The following KCNAB3 variants were observed in gnomAD, a reference collection of about 807,000 sequenced individuals.
The protein encoded by KCNAB3 is potassium voltage-gated channel subfamily A regulatory beta subunit 3.
In KCNAB3, 62 loss-of-function variants were observed where a neutral mutation model predicts 67.7. The ratio of observed to expected loss-of-function variants is 0.92; its 90% confidence interval spans 0.75 to 1.13. The LOEUF (loss-of-function observed/expected upper bound fraction) is 1.13, where lower values mean the gene tolerates loss of function less well. Among genes scored for constraint, KCNAB3 ranks in the 50% most tolerant of loss-of-function variants. KCNAB3 has a pLI of 0.00. For missense variants in KCNAB3, 514 were observed against 522.9 expected, an observed-to-expected ratio of 0.98 and a Z score of 0.17; for synonymous variants, 212 against 205.4, an observed-to-expected ratio of 1.03 and a Z score of -0.27.
rs1334757315 is a variant in KCNAB3 at position 7,925,426 on chromosome 17, C to T, written c.539-243G>A. On this transcript the variant is annotated intron_variant, in intron 7 of 13. Coordinates refer to ENST00000303790, the MANE Select transcript of KCNAB3 (RefSeq NM_004732.4). Reference sequence around the variant, plus strand: ...TGCCTGTAATCCCAGTTACTCGAGACGCTGAGGTAGGAGAATCCCTTGAAC... The same window carrying T: ...TGCCTGTAATCCCAGTTACTCGAGATGCTGAGGTAGGAGAATCCCTTGAAC... 7 of 593,882 alleles carry T rather than the reference C, an allele frequency of 1.2e-5. No homozygotes were observed. In the Admixed American group the frequency reaches 1.2e-4, roughly 10 times the overall value. 36.8% of individuals were successfully genotyped at this position (593,882 alleles called of 1,614,324 possible). A position where few individuals can be genotyped will look rare whatever the true frequency, so the allele number is the denominator to read the frequency against.
rs1433741337 is a variant in KCNAB3, at chr17:7,927,668, T to C, written c.313A>G (p.Ile105Val). Residue 105 changes from isoleucine (I) to valine (V), a missense_variant, in exon 3 of 14, where the codon ATC becomes GTC. Ile to Val is a conservative substitution (Grantham distance 29, BLOSUM62 3). Transcript: ENST00000303790. ...CCGATAACTTATACCTCATCTGAGA[T>C]CTGAGAACCAAATGTGACCCAGGTA... ...LGTWVTFGSQISDETAEDVLT... is the reference protein window; with the variant it reads ...LGTWVTFGSQVSDETAEDVLT... 1.9e-6 allele frequency: 3 copies of C among 1,614,160 alleles called. No homozygotes were observed. Among genetic ancestry groups the C allele is most frequent in the Non-Finnish European group, 2.5e-6 (3 of 1,180,032 alleles).
In KCNAB3 at chr17:7,922,841, T is replaced by G; in HGVS notation, c.*261A>C. 1 of 531,710 alleles carries G rather than the reference T, an allele frequency of 1.9e-6. No homozygotes were observed. The allele number at this position is 531,710 out of a possible 1,614,324, so 32.9% of individuals were successfully genotyped here. A position where few individuals can be genotyped will look rare whatever the true frequency, so the allele number is the denominator to read the frequency against. Reference sequence around the variant, plus strand: ...GAAGTGGCAGAGAGCCGACGGCGAGTAGCTCATGCCCGGGATTTGCAAGAA... The same window carrying G: ...GAAGTGGCAGAGAGCCGACGGCGAGGAGCTCATGCCCGGGATTTGCAAGAA... On this transcript the variant is annotated 3_prime_UTR_variant, in exon 14 of 14. Coordinates refer to ENST00000303790, the MANE Select transcript of KCNAB3 (RefSeq NM_004732.4).
chr17:7,929,474 C>T lies in KCNAB3; in HGVS notation c.-39G>A, dbSNP rs770980835. The T allele has an allele frequency of 1.4e-5, 14 of 975,640 alleles. 1 individual carries two copies. The highest frequency in any genetic ancestry group is 1.4e-4 in the South Asian group (10 of 70,890). 60.4% of individuals were successfully genotyped at this position (975,640 alleles called of 1,614,324 possible). A position where few individuals can be genotyped will look rare whatever the true frequency, so the allele number is the denominator to read the frequency against. On this transcript the variant is annotated 5_prime_UTR_variant, in exon 1 of 14. Transcript: ENST00000303790. The surrounding 1 kb of genome is among the most constrained non-coding windows in gnomAD (Gnocchi z 5.7). ...GGCGGGGGAGGGGGCTCCGAGGGGA[C>T]GGGAGGGGGGAGCAGGGAAGCCCGA...
Position 7,927,393 on chromosome 17 carries a change from C to A in KCNAB3, c.355G>T (p.Glu119Ter). The stretch of plus-strand genomic sequence containing the variant: ...GTGTCAAACAGGTTTACACCATGCT[C>A]ATAGGCTACAGTCAGCACATCCTCT... ...TAEDVLTVAYEHGVNLFDTAE... is the reference protein window; with the variant it reads ...TAEDVLTVAY Residue 119 changes from glutamate (E) to a stop codon, truncating the protein, a stop_gained, in exon 4 of 14, where the codon GAG becomes TAG. Coordinates refer to ENST00000303790, the MANE Select transcript of KCNAB3 (RefSeq NM_004732.4). LOFTEE classifies it high-confidence loss of function. 6.2e-7 allele frequency: 1 copy of A among 1,613,984 alleles called. No homozygotes were observed. The highest frequency in any genetic ancestry group is 1.1e-5 in the South Asian group (1 of 91,072).
In KCNAB3 at chr17:7,929,477, G is replaced by T. The variant is rs1039894953; in HGVS notation, c.-42C>A. ...GGGGGAGGGGGCTCCGAGGGGACGGGAGGGGGGAGCAGGGAAGCCCGAGGG... is the reference window on the plus strand; with the variant it reads ...GGGGGAGGGGGCTCCGAGGGGACGGTAGGGGGGAGCAGGGAAGCCCGAGGG... On this transcript the variant is annotated 5_prime_UTR_variant, in exon 1 of 14. Coordinates refer to ENST00000303790, the MANE Select transcript of KCNAB3 (RefSeq NM_004732.4). This position sits in a 1 kb window ranked among gnomAD's most constrained non-coding sequence, Gnocchi z 5.7. 2.6e-6 allele frequency: 4 copies of T among 1,529,484 alleles called. No individual in the cohort carries two copies. Among genetic ancestry groups the T allele is most frequent in the Non-Finnish European group, 3.5e-6 (4 of 1,132,942 alleles). The allele number at this position is 1,529,484 out of a possible 1,614,324, so 94.7% of individuals were successfully genotyped here. A position where few individuals can be genotyped will look rare whatever the true frequency, so the allele number is the denominator to read the frequency against.
rs1972278436 is a variant in KCNAB3 at position 7,927,640 on chromosome 17, G to T, written c.324+17C>A. 1 of 1,613,774 alleles carries T rather than the reference G, an allele frequency of 6.2e-7. No individual in the cohort carries two copies. The highest frequency in any genetic ancestry group is 8.5e-7 in the Non-Finnish European group (1 of 1,179,922). ...CCTCACCCCCACCACCCTGATTCTA[G>T]GTCCGATAACTTATACCTCATCTGA... On this transcript the variant is annotated intron_variant, in intron 3 of 13. Coordinates refer to ENST00000303790, the MANE Select transcript of KCNAB3 (RefSeq NM_004732.4).
chr17:7,925,228 T>G (rs1393652008), intron 7 of KCNAB3, 45 bp from the exon 8 acceptor site: 1 of 1,530,910 alleles, frequency 6.5e-7, no homozygotes, highest in Non-Finnish European at 9.0e-7. Context: ...TCAGCTTCAG[T>G]GTACTAAGAA....
rs774817744 is a variant in KCNAB3 at position 7,924,102 on chromosome 17, C to G, written c.833-40G>C. On this transcript the variant is annotated intron_variant, in intron 10 of 13. Coordinates refer to ENST00000303790, the MANE Select transcript of KCNAB3 (RefSeq NM_004732.4). Reference sequence around the variant, plus strand: ...CTGGGTGTCAGGAAAAGGACCTAGCCATGGATGAGGCTAAGGTAAAGGCAG... The same window carrying G: ...CTGGGTGTCAGGAAAAGGACCTAGCGATGGATGAGGCTAAGGTAAAGGCAG... The G allele has an allele frequency of 4.3e-6, 7 of 1,614,054 alleles. No individual in the cohort carries two copies. In the Admixed American group the frequency reaches 1.0e-4, roughly 23 times the overall value.
At position 7,923,443 on chromosome 17, in the gene KCNAB3, G is replaced by T. The variant is rs745394022; in HGVS notation, c.1137+13C>A. 1 of 1,603,716 alleles carries T rather than the reference G, an allele frequency of 6.2e-7. No homozygotes were observed. The highest frequency in any genetic ancestry group is 8.5e-7 in the Non-Finnish European group (1 of 1,175,248). On this transcript the variant is annotated intron_variant, in intron 13 of 13. Coordinates refer to ENST00000303790, the MANE Select transcript of KCNAB3 (RefSeq NM_004732.4). ...GGGGACAGATAGGCTCTGCCTCTGA[G>T]TCCCCGGCTCACCTGTAGCGCGCCC...
rs770551184 is a variant in KCNAB3 at position 7,925,158 on chromosome 17, G to C, written c.564C>G (p.Leu188=). ...IEGLRGSLER[L]QLGYVDIVFA... ...AGACAATGTCCACGTATCCCAGCTGGAGGCGTTCCAGGGATCCTCGCAAGC... is the reference window on the plus strand; with the variant it reads ...AGACAATGTCCACGTATCCCAGCTGCAGGCGTTCCAGGGATCCTCGCAAGC... The change falls in exon 8 of 14, where the codon CTC becomes CTG. Residue 188 remains leucine (L), a synonymous_variant. Coordinates refer to ENST00000303790, the MANE Select transcript of KCNAB3 (RefSeq NM_004732.4). 6.2e-7 allele frequency: 1 copy of C among 1,613,826 alleles called. No homozygotes were observed. The highest frequency in any genetic ancestry group is 8.5e-7 in the Non-Finnish European group (1 of 1,179,826).
At position 7,922,582 on chromosome 17, in the gene KCNAB3, T is replaced by A. The variant is rs533409891; in HGVS notation, c.*520A>T. The A allele has an allele frequency of 6.3e-5, 10 of 158,364 alleles. No individual in the cohort carries two copies. The East Asian group carries it at 1.6e-3, about 26-fold the overall frequency. 9.8% of individuals were successfully genotyped at this position (158,364 alleles called of 1,614,324 possible). A position where few individuals can be genotyped will look rare whatever the true frequency, so the allele number is the denominator to read the frequency against. On this transcript the variant is annotated 3_prime_UTR_variant, in exon 14 of 14. Coordinates refer to ENST00000303790, the MANE Select transcript of KCNAB3 (RefSeq NM_004732.4). ...GGCAGGGTCCTGGTTTCCCAAAGAT[T>A]ATCATTTACTTCCTGCCAGGACCAG... is the stretch of plus-strand genomic sequence containing the variant.
Position 7,929,739 on chromosome 17 carries a change from T to G in KCNAB3, c.-304A>C. 1 of 1,208,162 alleles carries G rather than the reference T, an allele frequency of 8.3e-7. No individual in the cohort carries two copies. Among genetic ancestry groups the G allele is most frequent in the East Asian group, 5.5e-5 (1 of 18,322 alleles). 74.8% of individuals were successfully genotyped at this position (1,208,162 alleles called of 1,614,324 possible). On this transcript the variant is annotated 5_prime_UTR_variant, in exon 1 of 14. Transcript: ENST00000303790. The surrounding 1 kb of genome is among the most constrained non-coding windows in gnomAD (Gnocchi z 5.7). ...ATGAGGGTAAAGGTCGAGGATGAGG[T>G]AAAGGTCTCGGAGGATAAGGACCCA... is the stretch of plus-strand genomic sequence containing the variant.
rs752938707 is a variant in KCNAB3, at chr17:7,927,803, C to G, written c.266G>C (p.Arg89Pro). 1 of 1,614,158 alleles carries G rather than the reference C, an allele frequency of 6.2e-7. No homozygotes were observed. The highest frequency in any genetic ancestry group is 1.1e-5 in the South Asian group (1 of 91,086). ...CTCACCTAGGCCAAGACAGGATACC[C>G]GAAGACCAGACTTCCCTAGGTTCCT... ...KYRNLGKSGL[R>P]VSCLGLGTWV... Residue 89 changes from arginine (R) to proline (P), a missense_variant, in exon 2 of 14, where the codon CGG becomes CCG. Physicochemically the swap from Arg to Pro is moderately radical, Grantham distance 103. Transcript: ENST00000303790.
Position 7,927,686 on chromosome 17 carries a change from C to A in KCNAB3, c.295G>T (p.Val99Phe), listed in dbSNP as rs1331652214. The part of the protein sequence containing the change: ...RVSCLGLGTW[V>F]TFGSQISDET... ...TCTGAGATCTGAGAACCAAATGTGA[C>A]CCAGGTACCTGCAAGAGAGAAGCCA... is the stretch of plus-strand genomic sequence containing the variant. The change falls in exon 3 of 14, where the codon GTC becomes TTC. Residue 99 changes from valine (V) to phenylalanine (F), a missense_variant. By Grantham distance (50) the Val-to-Phe change is conservative. Coordinates refer to ENST00000303790, the MANE Select transcript of KCNAB3 (RefSeq NM_004732.4). 6.2e-7 allele frequency: 1 copy of A among 1,614,022 alleles called. No individual in the cohort carries two copies. Among genetic ancestry groups the A allele is most frequent in the Non-Finnish European group, 8.5e-7 (1 of 1,180,028 alleles).
chr17:7,925,972 T>G lies in KCNAB3; in HGVS notation c.453A>C (p.Arg151Ser), dbSNP rs765766196. Residue 151 changes from arginine to serine, a missense_variant, in exon 6 of 14, where the codon AGA becomes AGC. Coordinates refer to ENST00000303790, the MANE Select transcript of KCNAB3 (RefSeq NM_004732.4). Reference protein sequence around the residue: ...GNILKSKGWRRSSYVITTKIF... With the variant: ...GNILKSKGWRSSSYVITTKIF... ...TCTTGGTAGTGATGACATAGCTTGA[T>G]CTCCTGGAAGAATAGAAATGGGAGA... The G allele has an allele frequency of 1.2e-6, 2 of 1,613,828 alleles. No individual in the cohort carries two copies. The highest frequency in any genetic ancestry group is 2.2e-5 in the South Asian group (2 of 91,066).
rs1264878848 is a variant in KCNAB3 at position 7,922,888 on chromosome 17, G to A, written c.*214C>T. 3.4e-6 allele frequency: 2 copies of A among 586,728 alleles called. No individual in the cohort carries two copies. Among genetic ancestry groups the A allele is most frequent in the Non-Finnish European group, 6.1e-6 (2 of 326,620 alleles). 36.3% of individuals were successfully genotyped at this position (586,728 alleles called of 1,614,324 possible). ...AGAAGGGCCTAGAAAGACGCAGCAG[G>A]GGGCGGGCGTGCTACTTTCTCTCTC... is the stretch of plus-strand genomic sequence containing the variant. On this transcript the variant is annotated 3_prime_UTR_variant, in exon 14 of 14. Coordinates refer to ENST00000303790, the MANE Select transcript of KCNAB3 (RefSeq NM_004732.4).
In KCNAB3 at chr17:7,925,040, C is replaced by A. The variant is rs116513364; in HGVS notation, c.625+57G>T. ...GGATTACAGGAATGAGCCACCGCAC[C>A]CAGCAAGGAAGTGCTCAGTTTTGAA... On this transcript the variant is annotated intron_variant, in intron 8 of 13. Transcript: ENST00000303790. The A allele has an allele frequency of 1.3e-5, 20 of 1,515,088 alleles. No homozygotes were observed. The African/African-American group carries it at 2.3e-4, about 18-fold the overall frequency. 93.9% of individuals were successfully genotyped at this position (1,515,088 alleles called of 1,614,324 possible). A position where few individuals can be genotyped will look rare whatever the true frequency, so the allele number is the denominator to read the frequency against.
At position 7,922,121 on chromosome 17, in the gene KCNAB3, A is replaced by T. The variant is rs1339934414; in HGVS notation, c.*981T>A. The T allele has an allele frequency of 6.6e-6, 1 of 152,176 alleles. No homozygotes were observed. Among genetic ancestry groups the T allele is most frequent in the Non-Finnish European group, 1.5e-5 (1 of 68,058 alleles). The allele number at this position is 152,176 out of a possible 1,614,324, so 9.4% of individuals were successfully genotyped here. A position where few individuals can be genotyped will look rare whatever the true frequency, so the allele number is the denominator to read the frequency against. On this transcript the variant is annotated 3_prime_UTR_variant, in exon 14 of 14. Coordinates refer to ENST00000303790, the MANE Select transcript of KCNAB3 (RefSeq NM_004732.4). ...CAGATTTCTAATGTTAGGGGGCGAGAGGGCCAGACAAGTGAGACTGTGACC... is the reference window on the plus strand; with the variant it reads ...CAGATTTCTAATGTTAGGGGGCGAGTGGGCCAGACAAGTGAGACTGTGACC...
At chr17:7,927,152 T>C in intron 4 of KCNAB3, 192 bp downstream of exon 4, 1 of 654,718 alleles carries the variant, frequency 1.5e-6, no homozygotes, top group East Asian at 2.5e-5. Flanking sequence ...AGTACGCCCA[T>C]TGACTTCTAA....
Sources: gnomAD v4.1 joint callset for allele counts on GRCh38, gnomAD v4.1.1 for gene constraint, Gnocchi (gnomAD v3.1) non-coding constraint, MANE v1.5 for transcripts, NCBI Gene and HGNC (gene_info 2026-07-23, HGNC 2026-07-21) for gene names.